The following LEKR1 variants were observed in gnomAD, a reference collection of about 807,000 sequenced individuals.
The protein encoded by LEKR1 is leucine, glutamate and lysine rich 1, also known as protein LEKR1.
Under a neutral mutation model 72.4 loss-of-function variants are expected in LEKR1, and 59 were observed. The ratio of observed to expected loss-of-function variants is 0.82; its 90% CI spans 0.66 to 1.01. The LOEUF is 1.01. LEKR1 is among the 50% of genes least tolerant of loss of function. LEKR1 has a pLI of 0.00. For missense variants in LEKR1, 728 were observed against 759.2 expected, an observed-to-expected ratio of 0.96 and a Z score of 0.48; for synonymous variants, 257 against 263.2, an observed-to-expected ratio of 0.98 and a Z score of 0.23.
At chr3:156,957,525 T>C (rs1186046313) in intron 6 of LEKR1, among the ~76,000 whole-genome samples, 1 of 151,578 alleles carries the variant, frequency 6.6e-6, no homozygotes, top group Non-Finnish European at 1.5e-5. Flanking sequence ...ACATTCTACC[T>C]CCTACAGTGA....
At chr3:156,878,019 G>A (rs142363772) in intron 3 of LEKR1, among the ~76,000 whole-genome samples, 3,046 of 152,192 alleles carry the variant, frequency 0.02, 48 homozygotes, top group Admixed American at 0.034. Flanking sequence ...CTGACCTTGT[G>A]ATCTGCCTGC....
chr3:156,910,151 T>C (rs1722967710), intron 3 of LEKR1, among the ~76,000 whole-genome samples: 1 of 152,208 alleles, frequency 6.6e-6, no homozygotes, highest in African/African-American at 2.4e-5. Flanking sequence ...TTGTTATTAC[T>C]ATTTTAGATT....
intron 4 of LEKR1, chr3:156,924,451 A>G (rs1041683865): frequency 4.8e-6 from 3 of 624,216 alleles, no homozygotes; most frequent in African/African-American, 3.7e-5. Context: ...TTTGAAAAGC[A>G]AAGTTTGTTA....
chr3:157,012,125 C>T (rs544174177), intron 10 of LEKR1, among the ~76,000 whole-genome samples: 21 of 152,022 alleles, frequency 1.4e-4, no homozygotes, highest in Non-Finnish European at 2.9e-4. Flanking sequence ...ATTGTTAGTC[C>T]ATACCTTCTC....
At chr3:156,874,187 G>T (rs1718296602) in intron 3 of LEKR1, among the ~76,000 whole-genome samples, 1 of 151,966 alleles carries the variant, frequency 6.6e-6, no homozygotes, top group Admixed American at 6.6e-5. Context: ...GAATTCTTCA[G>T]TTCCAGAATT....
At chr3:156,922,094 A>G (rs1353205322) in intron 4 of LEKR1, among the ~76,000 whole-genome samples, 1 of 152,178 alleles carries the variant, frequency 6.6e-6, no homozygotes, top group Non-Finnish European at 1.5e-5. Flanking sequence ...TACTAAAAAC[A>G]ATTTTGGAAG....
chr3:156,950,831 T>C (rs1727089515), intron 6 of LEKR1, among the ~76,000 whole-genome samples: 1 of 151,746 alleles, frequency 6.6e-6, no homozygotes, highest in African/African-American at 2.4e-5. Flanking sequence ...TTTGAGTTCT[T>C]CTTAACCTAT....
At chr3:157,015,797 T>C (rs566998281) in intron 10 of LEKR1, among the ~76,000 whole-genome samples, 1 of 152,110 alleles carries the variant, frequency 6.6e-6, no homozygotes, top group South Asian at 2.1e-4. Context: ...TTAAAACAAA[T>C]ATGATAACTG....
chr3:156,866,088 T>C (rs1306783173), intron 3 of LEKR1, among the ~76,000 whole-genome samples: 1 of 152,090 alleles, frequency 6.6e-6, no homozygotes, highest in Non-Finnish European at 1.5e-5. Context: ...GTCTGGCACA[T>C]AGTAATGCTC....
intron 6 of LEKR1, among the ~76,000 whole-genome samples, chr3:156,946,066 T>C (rs1440971239): frequency 6.6e-6 from 1 of 151,774 alleles, no homozygotes; most frequent in East Asian, 1.9e-4. Context: ...ATAATATTGA[T>C]TTTTCCAATC....
At chr3:156,916,941 G>A (rs1173409012) in intron 3 of LEKR1, among the ~76,000 whole-genome samples, 1 of 152,020 alleles carries the variant, frequency 6.6e-6, no homozygotes, top group Non-Finnish European at 1.5e-5. Context: ...TCAGCCTTCT[G>A]AGCAGAGCCT....
chr3:156,875,587 A>G (rs1397921436), intron 3 of LEKR1, among the ~76,000 whole-genome samples: 1 of 152,182 alleles, frequency 6.6e-6, no homozygotes, highest in Non-Finnish European at 1.5e-5. Flanking sequence ...GTTCTTGGTC[A>G]TGAACTTAAT....
chr3:156,861,449 C>G (rs1243349658), intron 3 of LEKR1, among the ~76,000 whole-genome samples: 3 of 152,100 alleles, frequency 2.0e-5, no homozygotes, highest in East Asian at 1.9e-4. Flanking sequence ...GGGATGGGGC[C>G]TACTTCCTAG....
chr3:156,856,721 T>G (rs967925307), intron 3 of LEKR1, among the ~76,000 whole-genome samples: 3 of 152,162 alleles, frequency 2.0e-5, no homozygotes, highest in African/African-American at 7.2e-5. Context: ...TACATTTTTT[T>G]GAATGCTATT....
At chr3:156,883,316 A>G (rs1719685647) in intron 3 of LEKR1, among the ~76,000 whole-genome samples, 1 of 152,100 alleles carries the variant, frequency 6.6e-6, no homozygotes. Flanking sequence ...GAAGTAACTA[A>G]CTTGCTTTTG....
intron 3 of LEKR1, among the ~76,000 whole-genome samples, chr3:156,873,342 A>G (rs1376722694): frequency 6.6e-6 from 1 of 151,966 alleles, no homozygotes; most frequent in Non-Finnish European, 1.5e-5. Context: ...AGCAGCATAT[A>G]ATTGTGTCAT....
At chr3:156,859,088 A>G (rs948428275) in intron 3 of LEKR1, among the ~76,000 whole-genome samples, 5 of 152,212 alleles carry the variant, frequency 3.3e-5, no homozygotes, top group Non-Finnish European at 5.9e-5. Context: ...TAGTTACTCA[A>G]AAGTGTACAT....
rs572589270 is a variant in LEKR1 at position 156,981,900 on chromosome 3, A to G, written c.827+2625A>G. On this transcript the variant is annotated intron_variant, in intron 7 of 12. Coordinates refer to ENST00000356539, the MANE Select transcript of LEKR1 (RefSeq NM_001004316.3). ...TTCCAGAAATTGGAATATGCTATGA[A>G]ATCAGGTTTCTTCCATTTTTAATCC... 1.3e-4 allele frequency among the ~76,000 whole-genome samples: 20 copies of G among 152,340 alleles called. No homozygotes were observed. In the South Asian group the frequency reaches 4.1e-3, roughly 32 times the overall value.
intron 6 of LEKR1, among the ~76,000 whole-genome samples, chr3:156,954,193 TA>T (rs1259020312): frequency 6.6e-6 from 1 of 151,756 alleles, no homozygotes; most frequent in Non-Finnish European, 1.5e-5. Context: ...GTTCTTTGCC[TA>T]CTTTTTAATG....
Sources: allele counts gnomAD v4.1 joint callset (sites outside exome capture counted in the v4.1 genomes callset), GRCh38; gene constraint gnomAD v4.1.1; transcripts MANE v1.5; gene names NCBI Gene and HGNC (gene_info 2026-07-23, HGNC 2026-07-21).